The following NUDT4 variants were observed in gnomAD, a reference collection of about 807,000 sequenced individuals.
NUDT4 encodes the protein diphosphoinositol polyphosphate phosphohydrolase 2.
A neutral mutation model predicts 23.1 loss-of-function variants in NUDT4; 5 were observed. The observed-to-expected ratio is 0.22, with a 90% CI of 0.11 to 0.46. NUDT4 has a LOEUF of 0.46. NUDT4 is among the 20% of genes least tolerant of loss of function. The probability of loss-of-function intolerance (pLI) is 0.99; values close to 1 mark genes in which losing one functional copy is unlikely to be tolerated. For synonymous variants in NUDT4, 50 were observed against 79.0 expected (o/e 0.63, Z 1.95); for missense variants, 96 against 211.6 (o/e 0.45, Z 3.39).
chr12:93,386,422 C>CA (rs1190228762), intron 1 of NUDT4, among the ~76,000 whole-genome samples: 5 of 151,422 alleles, frequency 3.3e-5, no homozygotes, highest in East Asian at 1.9e-4. Context: ...ACTAAAAATA[C>CA]AAAAAAAATG....
chr12:93,381,958 G>T (rs1479119474), intron 1 of NUDT4, among the ~76,000 whole-genome samples: 2 of 152,108 alleles, frequency 1.3e-5, no homozygotes, highest in African/African-American at 2.4e-5. Flanking sequence ...AAATCAGTCT[G>T]AAGGACTAAC....
intron 1 of NUDT4, among the ~76,000 whole-genome samples, chr12:93,393,371 G>A (rs1035207748): frequency 2.0e-5 from 3 of 151,674 alleles, no homozygotes; most frequent in South Asian, 4.2e-4. Context: ...CTAAAGTGCT[G>A]GGATTATAGA....
rs567598810 is a variant in NUDT4, at chr12:93,391,779, G to A, written c.100-2830G>A. Among the ~76,000 whole-genome samples, 4 of 152,206 alleles carry A rather than the reference G, an allele frequency of 2.6e-5. No homozygotes were observed. In the East Asian group the frequency reaches 5.8e-4, roughly 22 times the overall value. On this transcript the variant is annotated intron_variant, in intron 1 of 4. Coordinates refer to ENST00000415493, the MANE Select transcript of NUDT4 (RefSeq NM_019094.6). ...CTATGCACACTGGGAATTAAACTTCGTGATAAACCCTATGTGTTTTCGAGG... is the reference window on the plus strand; with the variant it reads ...CTATGCACACTGGGAATTAAACTTCATGATAAACCCTATGTGTTTTCGAGG...
rs771433252 is a variant in NUDT4, at chr12:93,399,231, A to G, written c.395A>G (p.His132Arg). The change falls in exon 5 of 5, where the codon CAT becomes CGT. Residue 132 changes from histidine to arginine, a missense_variant. Physicochemically the swap from His to Arg is conservative, Grantham distance 29. Coordinates refer to ENST00000415493, the MANE Select transcript of NUDT4 (RefSeq NM_019094.6). ...VEDAIKVLQC[H>R]KPVHAEYLEK... ...GATGCTATCAAAGTTCTCCAGTGTC[A>G]TAAACCTGTACATGCAGAGTATCTG... 6.5e-7 allele frequency: 1 copy of G among 1,542,340 alleles called. No homozygotes were observed. The highest frequency in any genetic ancestry group is 2.2e-5 in the East Asian group (1 of 44,518).
chr12:93,379,490 G>A (rs1488287583), intron 1 of NUDT4, among the ~76,000 whole-genome samples: 2 of 152,206 alleles, frequency 1.3e-5, no homozygotes, highest in Non-Finnish European at 2.9e-5. Flanking sequence ...TAGTTGTGAT[G>A]AATATGACAC....
At chr12:93,394,775 GCTACATAA>G in intron 2 of NUDT4, 56 bp downstream of exon 2, 4 of 1,049,208 alleles carry the variant, frequency 3.8e-6, no homozygotes, top group Non-Finnish European at 5.8e-6. Context: ...AAGGCCCTTT[GCTACATAA>G]CACTAAGACA....
At position 93,382,674 on chromosome 12, in the gene NUDT4, CTTTT is replaced by C. The variant is rs11315217; in HGVS notation, c.99+4270_99+4273del. Among the ~76,000 whole-genome samples, 9 of 111,632 alleles carry C rather than the reference CTTTT, an allele frequency of 8.1e-5. No homozygotes were observed. The South Asian group carries it at 1.5e-3, about 19-fold the overall frequency. The allele number at this position is 111,632 out of a possible 152,430, so 73.2% of individuals were successfully genotyped here. On this transcript the variant is annotated intron_variant, in intron 1 of 4. Coordinates refer to ENST00000415493, the MANE Select transcript of NUDT4 (RefSeq NM_019094.6). ...AAAATAAGTACTATCCAAAGGTAGC[CTTTT>C]TTTTTTTTTTTTTTTTGAGACAGAG...
chr12:93,380,242 T>A (rs566408944), intron 1 of NUDT4, among the ~76,000 whole-genome samples: 50 of 152,334 alleles, frequency 3.3e-4, no homozygotes, highest in Non-Finnish European at 6.0e-4. Flanking sequence ...ATTCAGGCTT[T>A]GTAAAAATAC....
chr12:93,396,571 T>C (rs1291916057), intron 3 of NUDT4, among the ~76,000 whole-genome samples: 1 of 152,180 alleles, frequency 6.6e-6, no homozygotes, highest in Non-Finnish European at 1.5e-5. Flanking sequence ...ATCCCGATTT[T>C]GTAGCACTTG....
Position 93,394,522 on chromosome 12 carries a change from G to A in NUDT4, c.100-87G>A, listed in dbSNP as rs1876790333. 5.4e-6 allele frequency: 4 copies of A among 741,700 alleles called. No homozygotes were observed. In the East Asian group the frequency reaches 1.1e-4, roughly 20 times the overall value. 45.9% of individuals were successfully genotyped at this position (741,700 alleles called of 1,614,324 possible). On this transcript the variant is annotated intron_variant, in intron 1 of 4. Coordinates refer to ENST00000415493, the MANE Select transcript of NUDT4 (RefSeq NM_019094.6). Reference sequence around the variant, plus strand: ...TTAAAATATTTTAATCTAGAATAGAGTTATAACCTTGCAGAGGTTTGAGAA... The same window carrying A: ...TTAAAATATTTTAATCTAGAATAGAATTATAACCTTGCAGAGGTTTGAGAA...
At chr12:93,389,304 C>T (rs1436539369) in intron 1 of NUDT4, among the ~76,000 whole-genome samples, 1 of 151,958 alleles carries the variant, frequency 6.6e-6, no homozygotes, top group Admixed American at 6.6e-5. Flanking sequence ...GAAACCCCGT[C>T]TCTACTAAAA....
intron 1 of NUDT4, among the ~76,000 whole-genome samples, chr12:93,389,244 G>A (rs546630955): frequency 3.2e-4 from 49 of 151,982 alleles, no homozygotes; most frequent in South Asian, 1.2e-3. Context: ...AGGCTGAGGC[G>A]GGCAGATCAC....
chr12:93,386,797 T>C (rs942737853), intron 1 of NUDT4, among the ~76,000 whole-genome samples: 1 of 152,198 alleles, frequency 6.6e-6, no homozygotes, highest in African/African-American at 2.4e-5. Flanking sequence ...AAAATTTGTA[T>C]TAGCAGATAT....
rs1332669739 is a variant in NUDT4, at chr12:93,406,816, AG to A, written c.*7439del. The stretch of plus-strand genomic sequence containing the variant: ...AGCATCTGCGAATTTGGATATCCAA[AG>A]GAAGTCCTAGAACCAGTTCCCGACA... On this transcript the variant is annotated 3_prime_UTR_variant, in exon 5 of 5. Coordinates refer to ENST00000415493, the MANE Select transcript of NUDT4 (RefSeq NM_019094.6). The A allele has an allele frequency of 2.6e-5, 4 of 152,248 alleles. No homozygotes were observed. The highest frequency in any genetic ancestry group is 9.6e-5 in the African/African-American group (4 of 41,462). The allele number at this position is 152,248 out of a possible 1,614,324, so 9.4% of individuals were successfully genotyped here.
chr12:93,391,105 A>T (rs1242399243), intron 1 of NUDT4, among the ~76,000 whole-genome samples: 2 of 152,032 alleles, frequency 1.3e-5, no homozygotes. Context: ...GGCAGCAGGG[A>T]GGGAGCAGGG....
At chr12:93,385,941 TTATATATATATATATATA>T (rs371683658) in intron 1 of NUDT4, among the ~76,000 whole-genome samples, 1 of 104,608 alleles carries the variant, frequency 9.6e-6, no homozygotes, top group South Asian at 3.2e-4. Context: ...GTAAATCTTT[TTATATATATATATATATA>T]TATATATATA....
At chr12:93,379,945 G>A (rs1875540495) in intron 1 of NUDT4, among the ~76,000 whole-genome samples, 1 of 152,166 alleles carries the variant, frequency 6.6e-6, no homozygotes, top group Non-Finnish European at 1.5e-5. Context: ...TTAATTGAGT[G>A]CTTACAATGT....
chr12:93,404,337 G>A lies in NUDT4; in HGVS notation c.*4958G>A, dbSNP rs1447832953. On this transcript the variant is annotated 3_prime_UTR_variant, in exon 5 of 5. Transcript: ENST00000415493. ...GGTTAACTTGCAATATATCCATATGGTGTAATATTACAGTCATTAGAAATG... is the reference window on the plus strand; with the variant it reads ...GGTTAACTTGCAATATATCCATATGATGTAATATTACAGTCATTAGAAATG... 1 of 152,188 alleles carries A rather than the reference G, an allele frequency of 6.6e-6. No homozygotes were observed. Among genetic ancestry groups the A allele is most frequent in the Non-Finnish European group, 1.5e-5 (1 of 68,050 alleles). The allele number at this position is 152,188 out of a possible 1,614,324, so 9.4% of individuals were successfully genotyped here. A position where few individuals can be genotyped will look rare whatever the true frequency, so the allele number is the denominator to read the frequency against.
At chr12:93,397,603 C>T (rs1022289117) in intron 3 of NUDT4, among the ~76,000 whole-genome samples, 3 of 151,950 alleles carry the variant, frequency 2.0e-5, no homozygotes, top group Admixed American at 6.6e-5. Flanking sequence ...CTGGGCTCAT[C>T]GCCACGTCCG....
Sources: allele counts gnomAD v4.1 joint callset (sites outside exome capture counted in the v4.1 genomes callset), GRCh38; gene constraint gnomAD v4.1.1; transcripts MANE v1.5; gene names NCBI Gene and HGNC (gene_info 2026-07-23, HGNC 2026-07-21).